Variants in DSCAML1 observed in about 807,000 individuals in gnomAD.
The protein encoded by DSCAML1 is DS cell adhesion molecule like 1, also known as cell adhesion molecule DSCAML1.
A neutral mutation model predicts 200.5 loss-of-function variants in DSCAML1; 38 were observed. The observed-to-expected ratio is 0.19, with a 90% CI of 0.15 to 0.25. The LOEUF is 0.25. DSCAML1 is among the 10% of genes least tolerant of loss of function. DSCAML1 has a pLI of 1.00. For missense variants in DSCAML1, 2,223 were observed against 2,858.8 expected (o/e 0.78, Z 5.07); for synonymous variants, 1,215 against 1,165.0 (o/e 1.04, Z -0.87).
chr11:117,683,341 T>C lies in DSCAML1; in HGVS notation c.511+93450A>G, dbSNP rs139377920. 2.4e-3 allele frequency among the ~76,000 whole-genome samples: 364 copies of C among 152,344 alleles called. 1 individual carries two copies. Among genetic ancestry groups the C allele is most frequent in the African/African-American group, 8.0e-3 (332 of 41,582 alleles). Reference sequence around the variant, plus strand: ...TCTTTTCTCTAGGTCAGTGGTAAACTGGACTGCACGCCTCTAAGTTGAAAA... The same window carrying C: ...TCTTTTCTCTAGGTCAGTGGTAAACCGGACTGCACGCCTCTAAGTTGAAAA... On this transcript the variant is annotated intron_variant, in intron 3 of 32. Coordinates refer to ENST00000651296, the MANE Select transcript of DSCAML1 (RefSeq NM_020693.4).
Position 117,739,364 on chromosome 11 carries a change from T to C in DSCAML1, c.511+37427A>G, listed in dbSNP as rs376045008. On this transcript the variant is annotated intron_variant, in intron 3 of 32. Transcript: ENST00000651296. ...ATCTCAAACCTACTCAATCGGAAAC[T>C]CTGGGGTTGGGGCCCTGCAATTTGT... 8.5e-5 allele frequency among the ~76,000 whole-genome samples: 13 copies of C among 152,292 alleles called. No individual in the cohort carries two copies. In the South Asian group the frequency reaches 2.5e-3, roughly 29 times the overall value.
intron 3 of DSCAML1, among the ~76,000 whole-genome samples, chr11:117,690,510 C>G (rs541983192): frequency 6.6e-6 from 1 of 152,226 alleles, no homozygotes; most frequent in East Asian, 1.9e-4. Context: ...GAGGCCTGTA[C>G]GCCTCTGAGA....
In DSCAML1 at chr11:117,489,716, G is replaced by A. The variant is rs1419770847; in HGVS notation, c.2360-7554C>T. Among the ~76,000 whole-genome samples, 1 of 152,200 alleles carries A rather than the reference G, an allele frequency of 6.6e-6. No individual in the cohort carries two copies. Among genetic ancestry groups the A allele is most frequent in the Non-Finnish European group, 1.5e-5 (1 of 68,026 alleles). On this transcript the variant is annotated intron_variant, in intron 11 of 32. Transcript: ENST00000651296. This position sits in a 1 kb window ranked among gnomAD's most constrained non-coding sequence, Gnocchi z 4.8. ...GACCAAATTGGGGCATACTCTGGTGGAGGCCAAGGAGGCTTCCTGATGACT... is the reference window on the plus strand; with the variant it reads ...GACCAAATTGGGGCATACTCTGGTGAAGGCCAAGGAGGCTTCCTGATGACT...
chr11:117,556,342 C>T (rs1388810753), intron 3 of DSCAML1, among the ~76,000 whole-genome samples: 1 of 152,150 alleles, frequency 6.6e-6, no homozygotes, highest in Non-Finnish European at 1.5e-5. Flanking sequence ...GGGCAAGGGG[C>T]TCTAGCTCAT....
chr11:117,442,683 A>G (rs541068067), intron 21 of DSCAML1, among the ~76,000 whole-genome samples: 3 of 152,294 alleles, frequency 2.0e-5, no homozygotes, highest in Admixed American at 2.0e-4. Flanking sequence ...AAAGATGCCC[A>G]GCCCTCACAC....
At chr11:117,456,156 G>C (rs1040747407) in intron 19 of DSCAML1, among the ~76,000 whole-genome samples, 2 of 152,190 alleles carry the variant, frequency 1.3e-5, no homozygotes, top group Non-Finnish European at 2.9e-5. Context: ...CGCAGGAAGA[G>C]ACTCCCTCTT....
At chr11:117,737,614 A>T (rs1230981129) in intron 3 of DSCAML1, among the ~76,000 whole-genome samples, 1 of 152,208 alleles carries the variant, frequency 6.6e-6, no homozygotes, top group East Asian at 1.9e-4. Context: ...GTATATGTTT[A>T]AGGTGGTGTT....
chr11:117,518,628 G>A lies in DSCAML1; in HGVS notation c.1348C>T (p.Arg450Trp), dbSNP rs199602566. ...TGGTTGGTGCGGTGGCTGCCATCCC[G>A]CACGATGGGCTCATCGTCGAGGGCC... is the stretch of plus-strand genomic sequence containing the variant. Reference protein sequence around the residue: ...TWALDDEPIVRDGSHRTNQYT... With the variant: ...TWALDDEPIVWDGSHRTNQYT... The change falls in exon 7 of 33, where the codon CGG (arginine) becomes TGG (tryptophan). Residue 450 changes from arginine (R) to tryptophan (W), a missense_variant. Physicochemically the swap from Arg to Trp is moderately radical, Grantham distance 101. This residue lies in a region of DSCAML1 where 579 missense variants were observed against 721.5 expected (regional missense o/e 0.80). Coordinates refer to ENST00000651296, the MANE Select transcript of DSCAML1 (RefSeq NM_020693.4). This position sits in a 1 kb window ranked among gnomAD's most constrained non-coding sequence, Gnocchi z 6.3. 205 of 1,613,388 alleles carry A rather than the reference G, an allele frequency of 1.3e-4. 1 individual carries two copies. The Admixed American group carries it at 2.6e-3, about 20-fold the overall frequency.
chr11:117,450,619 G>T lies in DSCAML1; in HGVS notation c.3638C>A (p.Pro1213His). Reference protein sequence around the residue: ...SASSVVVSWLPPTKPNGVIRK... With the variant: ...SASSVVVSWLHPTKPNGVIRK... Reference sequence around the variant, plus strand: ...GATCACCCCGTTGGGCTTGGTAGGGGGGAGCCAAGACACAACCACACTGCT... The same window carrying T: ...GATCACCCCGTTGGGCTTGGTAGGGTGGAGCCAAGACACAACCACACTGCT... Residue 1213 changes from proline (P) to histidine (H), a missense_variant, in exon 20 of 33, where the codon CCC (proline) becomes CAC (histidine). Coordinates refer to ENST00000651296, the MANE Select transcript of DSCAML1 (RefSeq NM_020693.4). The T allele has an allele frequency of 6.2e-7, 1 of 1,614,208 alleles. No individual in the cohort carries two copies. The highest frequency in any genetic ancestry group is 8.5e-7 in the Non-Finnish European group (1 of 1,180,040).
intron 11 of DSCAML1, among the ~76,000 whole-genome samples, chr11:117,501,180 A>G (rs2049386043): frequency 6.6e-6 from 1 of 152,108 alleles, no homozygotes; most frequent in African/African-American, 2.4e-5. Context: ...GGTTGAGGAA[A>G]AGCAAAGGAG....
At chr11:117,428,884 G>GCC in intron 32 of DSCAML1, 81 bp from the exon 33 acceptor site, 2 of 1,345,390 alleles carry the variant, frequency 1.5e-6, no homozygotes, top group Non-Finnish European at 2.0e-6. Flanking sequence ...CCCATCCCCT[G>GCC]CCCCCAGTCT....
chr11:117,548,771 T>C (rs2050422817), intron 3 of DSCAML1, among the ~76,000 whole-genome samples: 1 of 152,160 alleles, frequency 6.6e-6, no homozygotes, highest in South Asian at 2.1e-4. Context: ...TACAGCTGTG[T>C]GACCTGGATG....
At chr11:117,644,715 AC>A (rs760366630) in intron 3 of DSCAML1, among the ~76,000 whole-genome samples, 2 of 150,838 alleles carry the variant, frequency 1.3e-5, no homozygotes, top group Non-Finnish European at 1.5e-5. Context: ...AGGGCAGGGG[AC>A]CCCCCCTCTG....
intron 11 of DSCAML1, among the ~76,000 whole-genome samples, chr11:117,496,029 C>T (rs2049283289): frequency 6.6e-6 from 1 of 152,230 alleles, no homozygotes; most frequent in South Asian, 2.1e-4. Flanking sequence ...CATGCTCCTC[C>T]TTCCACCTGG....
At chr11:117,428,944 A>G in intron 32 of DSCAML1, 141 bp from the exon 33 acceptor site, 1 of 717,566 alleles carries the variant, frequency 1.4e-6, no homozygotes, top group South Asian at 1.8e-5. Context: ...AATAAAGAGT[A>G]GCGGAAAGGT....
chr11:117,464,302 T>C (rs950145696), intron 17 of DSCAML1, among the ~76,000 whole-genome samples: 2 of 152,120 alleles, frequency 1.3e-5, no homozygotes, highest in Admixed American at 6.5e-5. Context: ...GCCATGTCCT[T>C]TTTCTCAACC....
In DSCAML1 at chr11:117,780,547, T is replaced by C. The variant is rs749739707; in HGVS notation, c.310A>G (p.Thr104Ala). 7.2e-6 allele frequency: 11 copies of C among 1,528,310 alleles called. No individual in the cohort carries two copies. Among genetic ancestry groups the C allele is most frequent in the Non-Finnish European group, 8.8e-6 (10 of 1,133,656 alleles). 94.7% of individuals were successfully genotyped at this position (1,528,310 alleles called of 1,614,324 possible). A position where few individuals can be genotyped will look rare whatever the true frequency, so the allele number is the denominator to read the frequency against. The part of the protein sequence containing the change: ...SFIHDNDYFC[T>A]AENAAGKIRS... ...ATCTTGCCGGCAGCGTTCTCCGCGG[T>C]GCAGAAGTAGTCATTGTCGTGGATA... Residue 104 changes from threonine (T) to alanine (A), a missense_variant, in exon 2 of 33, where the codon ACC becomes GCC. By Grantham distance (58) the Thr-to-Ala change is moderately conservative (BLOSUM62 0). This residue lies in a region of DSCAML1 where 579 missense variants were observed against 721.5 expected (regional missense o/e 0.80). Coordinates refer to ENST00000651296, the MANE Select transcript of DSCAML1 (RefSeq NM_020693.4). This position sits in a 1 kb window ranked among gnomAD's most constrained non-coding sequence, Gnocchi z 4.8.
At chr11:117,686,359 T>C (rs1049026133) in intron 3 of DSCAML1, among the ~76,000 whole-genome samples, 1 of 152,230 alleles carries the variant, frequency 6.6e-6, no homozygotes, top group African/African-American at 2.4e-5. Context: ...CAATGCATGA[T>C]TGGGTCTGAC....
chr11:117,666,723 C>T (rs923328652), intron 3 of DSCAML1, among the ~76,000 whole-genome samples: 1 of 152,162 alleles, frequency 6.6e-6, no homozygotes, highest in African/African-American at 2.4e-5. Context: ...AAAGGAAGGT[C>T]GCAAATTCAG....
Sources: allele counts gnomAD v4.1 joint callset (sites outside exome capture counted in the v4.1 genomes callset), GRCh38; gene constraint gnomAD v4.1.1; regional missense constraint gnomAD v4.1.1; non-coding constraint Gnocchi (gnomAD v3.1); transcripts MANE v1.5; gene names NCBI Gene and HGNC (gene_info 2026-07-23, HGNC 2026-07-21).